The following AUTS2 variants were observed in gnomAD, a reference collection of about 807,000 sequenced individuals.
AUTS2 encodes autism susceptibility gene 2 protein.
In AUTS2, 17 loss-of-function variants were observed where a neutral mutation model predicts 112.4. The observed-to-expected ratio is 0.15, with a 90% CI of 0.10 to 0.23. The LOEUF is 0.23. Ranked by LOEUF, AUTS2 falls within the 10% of genes least tolerant of loss-of-function variation. AUTS2 has a pLI of 1.00. For synonymous variants in AUTS2, 751 were observed against 702.7 expected (o/e 1.07, Z -1.09); for missense variants, 1,510 against 1,701.6 (o/e 0.89, Z 1.98).
intron 4 of AUTS2, among the ~76,000 whole-genome samples, chr7:70,366,167 C>A (rs1792559210): frequency 6.6e-6 from 1 of 152,096 alleles, no homozygotes; most frequent in African/African-American, 2.4e-5. Context: ...GGAAGTTCTC[C>A]TATATTTGCC....
intron 1 of AUTS2, among the ~76,000 whole-genome samples, chr7:69,811,271 T>A (rs1410879079): frequency 6.6e-6 from 1 of 151,906 alleles, no homozygotes. Flanking sequence ...ACTCAAAAGG[T>A]TTTCTTCTCT....
At chr7:69,857,816 CAA>C (rs891544529) in intron 1 of AUTS2, among the ~76,000 whole-genome samples, 5 of 110,520 alleles carry the variant, frequency 4.5e-5, no homozygotes, top group Admixed American at 9.5e-5. Flanking sequence ...GACTCCGTCT[CAA>C]AAAAAAAAAA....
intron 5 of AUTS2, among the ~76,000 whole-genome samples, chr7:70,475,701 G>A (rs1797555498): frequency 6.6e-6 from 1 of 152,172 alleles, no homozygotes; most frequent in Non-Finnish European, 1.5e-5. Flanking sequence ...TGCCCTCAGG[G>A]AATGTATAGT....
chr7:70,593,937 GTCATAGAACA>G (rs1803071613), intron 5 of AUTS2, among the ~76,000 whole-genome samples: 1 of 152,150 alleles, frequency 6.6e-6, no homozygotes, highest in Non-Finnish European at 1.5e-5. Context: ...CAAGCACAGC[GTCATAGAACA>G]TCATAGAACA....
intron 1 of AUTS2, among the ~76,000 whole-genome samples, chr7:69,764,788 C>T (rs1166480568): frequency 6.6e-6 from 1 of 152,154 alleles, no homozygotes; most frequent in African/African-American, 2.4e-5. Context: ...ATGCCATTAT[C>T]AGGAAGTTGC....
At chr7:69,774,431 G>A (rs748231829) in intron 1 of AUTS2, among the ~76,000 whole-genome samples, 9 of 152,240 alleles carry the variant, frequency 5.9e-5, no homozygotes, top group East Asian at 5.8e-4. Flanking sequence ...TTTGATGTCC[G>A]GGATACAGTC....
At chr7:70,006,440 C>T (rs1453631179) in intron 2 of AUTS2, among the ~76,000 whole-genome samples, 3 of 151,968 alleles carry the variant, frequency 2.0e-5, no homozygotes, top group East Asian at 3.9e-4. Flanking sequence ...AAATGTGAGA[C>T]GAGAGCAGCA....
intron 4 of AUTS2, among the ~76,000 whole-genome samples, chr7:70,395,498 TC>T (rs1794039705): frequency 6.6e-6 from 1 of 152,254 alleles, no homozygotes; most frequent in Non-Finnish European, 1.5e-5. Flanking sequence ...CATTAATAGC[TC>T]ATCCAACTGA....
intron 5 of AUTS2, among the ~76,000 whole-genome samples, chr7:70,475,300 T>C (rs1349899521): frequency 6.6e-6 from 1 of 152,212 alleles, no homozygotes; most frequent in Non-Finnish European, 1.5e-5. Flanking sequence ...GTCCTTGCCA[T>C]CCTTCATGTT....
chr7:69,870,791 A>G (rs1238645302), intron 1 of AUTS2, among the ~76,000 whole-genome samples: 3 of 152,074 alleles, frequency 2.0e-5, no homozygotes. Flanking sequence ...TTTTTCTTCT[A>G]GGGGATCTCT....
intron 1 of AUTS2, among the ~76,000 whole-genome samples, chr7:69,632,595 C>T (rs970754865): frequency 2.0e-5 from 3 of 147,156 alleles, no homozygotes; most frequent in African/African-American, 7.5e-5. Flanking sequence ...TCCCCTCTGC[C>T]TTCTCCCCTC....
intron 1 of AUTS2, among the ~76,000 whole-genome samples, chr7:69,739,523 C>T (rs764603116): frequency 5.3e-5 from 8 of 152,062 alleles, no homozygotes; most frequent in Non-Finnish European, 1.2e-4. Flanking sequence ...CAGGATAGCT[C>T]AACTGGAGAA....
intron 5 of AUTS2, among the ~76,000 whole-genome samples, chr7:70,685,802 C>A (rs1808447264): frequency 6.6e-6 from 1 of 152,198 alleles, no homozygotes; most frequent in South Asian, 2.1e-4. Context: ...AGTTCACCAG[C>A]AGTTCCCCGT....
At chr7:70,484,707 G>A (rs1010874698) in intron 5 of AUTS2, among the ~76,000 whole-genome samples, 10 of 152,150 alleles carry the variant, frequency 6.6e-5, no homozygotes, top group African/African-American at 2.4e-4. Context: ...GTAGGTTTAG[G>A]ATCAACCTTA....
intron 4 of AUTS2, among the ~76,000 whole-genome samples, chr7:70,298,222 G>A (rs1227789992): frequency 1.3e-5 from 2 of 151,970 alleles, no homozygotes; most frequent in Non-Finnish European, 1.5e-5. Flanking sequence ...AGTAGAGATG[G>A]GGTTTCACCA....
intron 4 of AUTS2, among the ~76,000 whole-genome samples, chr7:70,270,591 G>A (rs1485059426): frequency 1.3e-5 from 2 of 152,180 alleles, no homozygotes; most frequent in East Asian, 3.8e-4. Flanking sequence ...AAGATTTGCA[G>A]TGGGAAAGTG....
intron 4 of AUTS2, among the ~76,000 whole-genome samples, chr7:70,289,426 C>A (rs370969341): frequency 6.6e-6 from 1 of 152,212 alleles, no homozygotes; most frequent in Non-Finnish European, 1.5e-5. Context: ...TGTCTATCGA[C>A]AGCCTTCTGT....
Position 70,284,243 on chromosome 7 carries a change from T to C in AUTS2, c.660+149672T>C, listed in dbSNP as rs114414488. ...TTTTTAGTGACTGCATATTATATCATTGTATAGTAAAACATAATTTTTAAC... is the reference window on the plus strand; with the variant it reads ...TTTTTAGTGACTGCATATTATATCACTGTATAGTAAAACATAATTTTTAAC... On this transcript the variant is annotated intron_variant, in intron 4 of 18. Coordinates refer to ENST00000342771, the MANE Select transcript of AUTS2 (RefSeq NM_015570.4). Among the ~76,000 whole-genome samples the C allele has an allele frequency of 2.3e-3, 357 of 152,344 alleles. 3 individuals are homozygous for C. The highest frequency in any genetic ancestry group is 7.7e-3 in the African/African-American group (319 of 41,584).
intron 4 of AUTS2, among the ~76,000 whole-genome samples, chr7:70,426,244 C>T (rs1795432997): frequency 6.6e-6 from 1 of 152,148 alleles, no homozygotes; most frequent in Non-Finnish European, 1.5e-5. Flanking sequence ...CTTAAGCACC[C>T]TTCTCTTTTC....
Sources: allele counts gnomAD v4.1 joint callset (sites outside exome capture counted in the v4.1 genomes callset), GRCh38; gene constraint gnomAD v4.1.1; transcripts MANE v1.5; gene names NCBI Gene and HGNC (gene_info 2026-07-23, HGNC 2026-07-21).